The following SNX24 variants were observed in gnomAD, a reference collection of about 807,000 sequenced individuals.
SNX24 encodes sorting nexin 24, also known as sorting nexin-24.
In SNX24, 22 loss-of-function variants were observed where a neutral mutation model predicts 28.7. That is an observed-to-expected ratio of 0.77 (90% CI 0.55 to 1.10). SNX24 has a LOEUF of 1.10. Ranked by LOEUF, SNX24 falls within the 50% of genes least tolerant of loss-of-function variation. SNX24 has a pLI of 0.00. For synonymous variants in SNX24, 69 were observed against 71.5 expected (o/e 0.96, Z 0.18); for missense variants, 221 against 201.1 (o/e 1.10, Z -0.60).
intron 1 of SNX24, among the ~76,000 whole-genome samples, chr5:122,928,841 T>C (rs575074733): frequency 6.7e-6 from 1 of 148,520 alleles, no homozygotes; most frequent in South Asian, 2.3e-4. Flanking sequence ...AAAATAATAC[T>C]TGAGCAGAGA....
At chr5:123,007,121 G>C (rs1165779732) in intron 6 of SNX24, among the ~76,000 whole-genome samples, 1 of 152,150 alleles carries the variant, frequency 6.6e-6, no homozygotes, top group Non-Finnish European at 1.5e-5. Flanking sequence ...TAATAATGGA[G>C]CTGTGTTTTC....
At chr5:122,884,330 C>T (rs539319451) in intron 1 of SNX24, among the ~76,000 whole-genome samples, 2 of 139,812 alleles carry the variant, frequency 1.4e-5, no homozygotes, top group African/African-American at 2.7e-5. Flanking sequence ...TGGCTCACTG[C>T]AACCTCCGCC....
chr5:123,000,892 C>T (rs901418033), intron 4 of SNX24, among the ~76,000 whole-genome samples: 2 of 152,198 alleles, frequency 1.3e-5, no homozygotes, highest in Non-Finnish European at 2.9e-5. Context: ...GCAGGCCACA[C>T]CCAAAGTCAT....
chr5:122,974,729 A>G (rs926793069), intron 3 of SNX24, among the ~76,000 whole-genome samples: 1 of 151,406 alleles, frequency 6.6e-6, no homozygotes. Context: ...TCACCCCTGC[A>G]TCTCTCAAGT....
At chr5:122,891,050 C>T in intron 1 of SNX24, 1 of 1,526,702 alleles carries the variant, frequency 6.6e-7, no homozygotes, top group Admixed American at 2.1e-5. Flanking sequence ...GGCATAGAGC[C>T]TTCCAGACAA....
intron 3 of SNX24, among the ~76,000 whole-genome samples, chr5:122,989,407 A>T (rs1273134016): frequency 1.3e-5 from 2 of 150,750 alleles, no homozygotes; most frequent in Admixed American, 1.3e-4. Flanking sequence ...GAGCAAAAAG[A>T]TGGGGGCCAC....
chr5:123,025,749 TAA>T, intron 5 of SNX24: 1 of 1,584,352 alleles, frequency 6.3e-7, no homozygotes, highest in Non-Finnish European at 8.6e-7. Flanking sequence ...AATAAAAATA[TAA>T]AGCTTTGAAA....
At chr5:122,853,754 C>T (rs1488726604) in intron 1 of SNX24, 1 of 344,712 alleles carries the variant, frequency 2.9e-6, no homozygotes, top group South Asian at 2.3e-5. Context: ...TCCCAAGATG[C>T]TGGCATTACA....
chr5:122,965,762 C>T lies in SNX24; in HGVS notation c.249+19603C>T, dbSNP rs554076651. On this transcript the variant is annotated intron_variant, in intron 3 of 6. Transcript: ENST00000261369. ...GAGACAATGGTGTAAAAAAAATCAA[C>T]AACACTTTTCCAAATTGTTCTTAAT... Among the ~76,000 whole-genome samples, 9 of 152,294 alleles carry T rather than the reference C, an allele frequency of 5.9e-5. No homozygotes were observed. In the East Asian group the frequency reaches 1.7e-3, roughly 29 times the overall value.
intron 1 of SNX24, among the ~76,000 whole-genome samples, chr5:122,930,831 T>C (rs1758921833): frequency 6.6e-6 from 1 of 152,194 alleles, no homozygotes; most frequent in South Asian, 2.1e-4. Flanking sequence ...AACTCTTACA[T>C]AGGTATTTTG....
At chr5:122,852,456 A>C (rs1349573938) in intron 1 of SNX24, among the ~76,000 whole-genome samples, 2 of 151,650 alleles carry the variant, frequency 1.3e-5, no homozygotes, top group Non-Finnish European at 2.9e-5. Context: ...TGATTCCGCC[A>C]CCTCAGCCTC....
intron 5 of SNX24, among the ~76,000 whole-genome samples, chr5:123,020,540 A>G (rs891179535): frequency 6.6e-5 from 10 of 152,224 alleles, no homozygotes; most frequent in South Asian, 2.1e-4. Flanking sequence ...ATTTTGGGAC[A>G]TTGAAGTTGC....
chr5:122,914,742 A>G (rs1275615982), intron 1 of SNX24, among the ~76,000 whole-genome samples: 3 of 151,784 alleles, frequency 2.0e-5, no homozygotes, highest in Non-Finnish European at 2.9e-5. Flanking sequence ...CGGTGGTGAT[A>G]TCCCCTTTAT....
intron 1 of SNX24, among the ~76,000 whole-genome samples, chr5:122,922,899 A>AGGG (rs1758502185): frequency 6.6e-6 from 1 of 152,230 alleles, no homozygotes; most frequent in African/African-American, 2.4e-5. Context: ...CACCTTGAAT[A>AGGG]GGGTCTAGCA....
At chr5:122,991,503 A>G (rs1047578535) in intron 3 of SNX24, among the ~76,000 whole-genome samples, 5 of 152,084 alleles carry the variant, frequency 3.3e-5, no homozygotes, top group Non-Finnish European at 7.3e-5. Flanking sequence ...TCTGTCGCCC[A>G]GGCTGGAGTG....
chr5:122,948,145 G>A (rs1021958092), intron 3 of SNX24, among the ~76,000 whole-genome samples: 1 of 152,142 alleles, frequency 6.6e-6, no homozygotes, highest in Non-Finnish European at 1.5e-5. Context: ...GATTCTATTT[G>A]CAGGCAATGG....
intron 1 of SNX24, among the ~76,000 whole-genome samples, chr5:122,857,173 G>A (rs543591825): frequency 3.3e-5 from 5 of 151,858 alleles, no homozygotes; most frequent in South Asian, 2.1e-4. Flanking sequence ...CACCACGCCC[G>A]GCTAATTTTT....
chr5:122,918,513 A>G (rs139980580), intron 1 of SNX24, among the ~76,000 whole-genome samples: 1 of 152,200 alleles, frequency 6.6e-6, no homozygotes, highest in Non-Finnish European at 1.5e-5. Context: ...ATAAGTAATC[A>G]TATTTACTTG....
chr5:122,975,541 A>G (rs1330566068), intron 3 of SNX24, among the ~76,000 whole-genome samples: 1 of 152,136 alleles, frequency 6.6e-6, no homozygotes, highest in African/African-American at 2.4e-5. Context: ...AAATTTTTAA[A>G]TTTTGTACAG....
Sources: allele counts gnomAD v4.1 joint callset (sites outside exome capture counted in the v4.1 genomes callset), GRCh38; gene constraint gnomAD v4.1.1; transcripts MANE v1.5; gene names NCBI Gene and HGNC (gene_info 2026-07-23, HGNC 2026-07-21).